The following BEST1 variants were observed in gnomAD, a reference collection of about 807,000 sequenced individuals.
BEST1 encodes bestrophin 1.
In BEST1, 58 loss-of-function variants were observed where a neutral mutation model predicts 63.3. That is an observed-to-expected ratio of 0.92 (90% confidence interval 0.74 to 1.14). The LOEUF (loss-of-function observed/expected upper bound fraction) is 1.14. BEST1 is among the 50% of genes most tolerant of loss of function. The probability of loss-of-function intolerance (pLI) is 0.00; values close to 1 mark genes in which losing one functional copy is unlikely to be tolerated. For missense variants in BEST1, 671 were observed against 740.1 expected, an observed-to-expected ratio of 0.91 and a Z score of 1.08; for synonymous variants, 283 against 291.6, an observed-to-expected ratio of 0.97 and a Z score of 0.30.
chr11:61,960,158 C>T (rs1941915048), intron 9 of BEST1, 115 bp downstream of exon 9: 1 of 1,333,444 alleles, frequency 7.5e-7, no homozygotes, highest in Non-Finnish European at 1.0e-6. Context: ...GTGTCAGGCA[C>T]TGTACTATGC....
chr11:61,965,304 G>C, downstream of BEST1: 1 of 1,608,952 alleles, frequency 6.2e-7, no homozygotes, highest in Non-Finnish European at 8.5e-7. Flanking sequence ...GCTAGTTTAA[G>C]TGATTTCTGA....
Position 61,962,490 on chromosome 11 carries a change from A to C in BEST1, c.1336A>C (p.Lys446Gln), listed in dbSNP as rs1246375311. ...VRGQEDNKAW[K>Q]LKAVDAFKSA... ...GGGCCAGGAAGACAACAAGGCCTGG[A>C]AGCTTAAGGCTGTGGACGCCTTCAA... is the stretch of plus-strand genomic sequence containing the variant. The change falls in exon 10 of 11, where the codon AAG becomes CAG. Residue 446 changes from lysine to glutamine, a missense_variant. Transcript: ENST00000378043. 6.2e-7 allele frequency: 1 copy of C among 1,614,178 alleles called. No individual in the cohort carries two copies. Among genetic ancestry groups the C allele is most frequent in the Admixed American group, 1.7e-5 (1 of 60,018 alleles).
rs141943573 is a variant in BEST1 at position 61,957,527 on chromosome 11, AGCTGGGGTGGGAAGG to A, written c.714+67_714+81del. 4 of 1,526,810 alleles carry A rather than the reference AGCTGGGGTGGGAAGG, an allele frequency of 2.6e-6. No individual in the cohort carries two copies. In the African/African-American group the frequency reaches 5.9e-5, roughly 23 times the overall value. 94.6% of individuals were successfully genotyped at this position (1,526,810 alleles called of 1,614,324 possible). On this transcript the variant is annotated intron_variant, in intron 6 of 10. Coordinates refer to ENST00000378043, the MANE Select transcript of BEST1 (RefSeq NM_004183.4). ...CTGAGGCTAGAAGGACCAAGGAAGC[AGCTGGGGTGGGAAGG>A]GCTCACCTAGAGGCTAAGTGGCTCC...
Position 61,962,433 on chromosome 11 carries a change from A to C in BEST1, c.1279A>C (p.Lys427Gln), listed in dbSNP as rs1371088985. Residue 427 changes from lysine to glutamine, a missense_variant, in exon 10 of 11, where the codon AAA becomes CAA. Transcript: ENST00000378043. ...RESLLHEGLPKNHKAAKQNVR... is the reference protein window; with the variant it reads ...RESLLHEGLPQNHKAAKQNVR... ...ATCCCTTCTCCACGAGGGCCTGCCC[A>C]AAAACCACAAGGCAGCCAAACAGAA... is the stretch of plus-strand genomic sequence containing the variant. 6.2e-7 allele frequency: 1 copy of C among 1,614,232 alleles called. No individual in the cohort carries two copies.
At position 61,955,615 on chromosome 11, in the gene BEST1, C is replaced by A. The variant is rs1941226896; in HGVS notation, c.248-103C>A. 32 of 1,323,492 alleles carry A rather than the reference C, an allele frequency of 2.4e-5. No homozygotes were observed. The South Asian group carries it at 3.9e-4, about 16-fold the overall frequency. 82.0% of individuals were successfully genotyped at this position (1,323,492 alleles called of 1,614,324 possible). ...AGGAGGGCTGGGGGCTAGGCCCGCT[C>A]GCAGCAGAAAGCTGGAGGAGCCGAG... On this transcript the variant is annotated intron_variant, in intron 3 of 10. Coordinates refer to ENST00000378043, the MANE Select transcript of BEST1 (RefSeq NM_004183.4).
chr11:61,959,582 T>C lies in BEST1; in HGVS notation c.948+4T>C. 1 of 1,614,112 alleles carries C rather than the reference T, an allele frequency of 6.2e-7. No homozygotes were observed. The highest frequency in any genetic ancestry group is 1.1e-5 in the South Asian group (1 of 91,080). On this transcript the variant is annotated splice_donor_region_variant and intron_variant, in intron 8 of 10. Coordinates refer to ENST00000378043, the MANE Select transcript of BEST1 (RefSeq NM_004183.4). ...GATTGTCGACAGGAATTTGCAGGTA[T>C]GGGGAGAGGGAGAGAAACCATACCA...
At chr11:61,955,279 G>C in intron 3 of BEST1, 78 bp downstream of exon 3, 5 of 1,609,658 alleles carry the variant, frequency 3.1e-6, no homozygotes, top group South Asian at 2.2e-5. Context: ...ATCACGAGGA[G>C]CTGCGGCAAG....
At position 61,956,892 on chromosome 11, in the gene BEST1, C is replaced by T. The variant is rs1360056203; in HGVS notation, c.530C>T (p.Pro177Leu). The change falls in exon 5 of 11, where the codon CCA becomes CTA. Residue 177 changes from proline (P) to leucine (L), a missense_variant. Coordinates refer to ENST00000378043, the MANE Select transcript of BEST1 (RefSeq NM_004183.4). ...AAGCAGTTGGAGAAACTGAGCCTAC[C>T]ACACAACATGTTCTGGGTGCCCTGG... ...EHKQLEKLSL[P>L]HNMFWVPWVW... is the part of the protein sequence containing the mutation. The T allele has an allele frequency of 6.2e-7, 1 of 1,614,122 alleles. No individual in the cohort carries two copies. The highest frequency in any genetic ancestry group is 8.5e-7 in the Non-Finnish European group (1 of 1,180,012).
rs202234687 is a variant in BEST1, at chr11:61,959,967, G to C, written c.1024G>C (p.Glu342Gln). The change falls in exon 9 of 11, where the codon GAG becomes CAG. Residue 342 changes from glutamate (E) to glutamine (Q), a missense_variant. Transcript: ENST00000378043. The part of the protein sequence containing the change: ...MEPDMYWNKP[E>Q]PQPPYTAASA... Reference sequence around the variant, plus strand: ...GCCGGACATGTACTGGAATAAGCCCGAGCCACAGCCCCCCTACACAGCTGC... The same window carrying C: ...GCCGGACATGTACTGGAATAAGCCCCAGCCACAGCCCCCCTACACAGCTGC... The C allele has an allele frequency of 3.1e-6, 5 of 1,612,374 alleles. No individual in the cohort carries two copies. The highest frequency in any genetic ancestry group is 8.5e-7 in the Non-Finnish European group (1 of 1,179,390).
In BEST1 at chr11:61,958,142, C is replaced by CTCCTCCTCT. The variant is rs56257768; in HGVS notation, c.715-4_715-3insTCCTCCTCT. ...TTGCTACCACATCCTCCTCCTCCTC[C>CTCCTCCTCT]CAGGTGGTGACTGTGGCGGTGTACA... is the stretch of plus-strand genomic sequence containing the variant. On this transcript the variant is annotated splice_polypyrimidine_tract_variant and splice_region_variant and intron_variant, in intron 6 of 10. Transcript: ENST00000378043. 1.9e-6 allele frequency: 3 copies of CTCCTCCTCT among 1,614,002 alleles called. No individual in the cohort carries two copies. Among genetic ancestry groups the CTCCTCCTCT allele is most frequent in the Non-Finnish European group, 2.5e-6 (3 of 1,180,028 alleles).
intron 10 of BEST1, chr11:61,963,407 G>T: frequency 8.3e-7 from 1 of 1,209,140 alleles, no homozygotes; most frequent in South Asian, 3.5e-5. Flanking sequence ...AGGGTGTCCA[G>T]CGCCCTTAGG....
chr11:61,962,608 C>A lies in BEST1; in HGVS notation c.1454C>A (p.Ala485Glu). 6.2e-7 allele frequency: 1 copy of A among 1,614,184 alleles called. No individual in the cohort carries two copies. The highest frequency in any genetic ancestry group is 8.5e-7 in the Non-Finnish European group (1 of 1,180,046). Reference protein sequence around the residue: ...TPMFFPLEPSAPSKLHSVTGI... With the variant: ...TPMFFPLEPSEPSKLHSVTGI... ...ATGTTCTTCCCCCTAGAACCATCAG[C>A]GCCGTCAAAGCTTCACAGTGTCACA... Residue 485 changes from alanine (A) to glutamate (E), a missense_variant, in exon 10 of 11, where the codon GCG (alanine) becomes GAG (glutamate). Coordinates refer to ENST00000378043, the MANE Select transcript of BEST1 (RefSeq NM_004183.4).
intron 7 of BEST1, chr11:61,958,917 CACACACGCAT>C (rs1287383818): frequency 5.5e-5 from 3 of 54,530 alleles, no homozygotes; most frequent in Non-Finnish European, 1.2e-4. Context: ...TACACACACA[CACACACGCAT>C]TCCTATTCCT....
chr11:61,954,471 C>CT (rs1394227317), intron 2 of BEST1, among the ~76,000 whole-genome samples: 1 of 152,114 alleles, frequency 6.6e-6, no homozygotes, highest in African/African-American at 2.4e-5. Flanking sequence ...GCCAAACACT[C>CT]TGTTTCTTTT....
At chr11:61,963,336 C>T in intron 10 of BEST1, 1 of 1,313,246 alleles carries the variant, frequency 7.6e-7, no homozygotes, top group Non-Finnish European at 9.7e-7. Context: ...AGTACCCAAG[C>T]ACTACAGGAA....
At chr11:61,954,439 C>G (rs1474079931) in intron 2 of BEST1, among the ~76,000 whole-genome samples, 1 of 152,238 alleles carries the variant, frequency 6.6e-6, no homozygotes, top group South Asian at 2.1e-4. Flanking sequence ...AAATCCTCTG[C>G]CTATTCACCC....
intron 1 of BEST1, among the ~76,000 whole-genome samples, chr11:61,950,979 C>T (rs1940594711): frequency 6.6e-6 from 1 of 152,102 alleles, no homozygotes; most frequent in Admixed American, 6.5e-5. Flanking sequence ...AGCCACCATT[C>T]AGTAAACATC....
chr11:61,960,049 G>A lies in BEST1; in HGVS notation c.1100+6G>A, dbSNP rs1263440746. The A allele has an allele frequency of 6.2e-7, 1 of 1,606,076 alleles. No individual in the cohort carries two copies. Among genetic ancestry groups the A allele is most frequent in the Admixed American group, 1.7e-5 (1 of 59,370 alleles). On this transcript the variant is annotated splice_donor_region_variant and intron_variant, in intron 9 of 10. Coordinates refer to ENST00000378043, the MANE Select transcript of BEST1 (RefSeq NM_004183.4). ...GGCTCCACCTTCAACATCAGGTGTG[G>A]CCAGAGCCAGGGGGCTGGGTGGGAA...
chr11:61,958,891 C>A, intron 7 of BEST1: 1 of 101,248 alleles, frequency 9.9e-6, no homozygotes, highest in Non-Finnish European at 2.0e-5. Context: ...CACACACACA[C>A]ACACACACAC....
Sources: gnomAD v4.1 joint callset for allele counts (sites outside exome capture counted in the v4.1 genomes callset) on GRCh38, gnomAD v4.1.1 for gene constraint, MANE v1.5 for transcripts, NCBI Gene and HGNC (gene_info 2026-07-23, HGNC 2026-07-21) for gene names.